The following SIRT1 variants were observed in gnomAD, a reference collection of about 807,000 sequenced individuals.
SIRT1 encodes the protein sirtuin 1.
A neutral mutation model predicts 67.9 loss-of-function variants in SIRT1; 24 were observed. The ratio of observed to expected loss-of-function variants is 0.35; its 90% CI spans 0.26 to 0.50. The LOEUF (loss-of-function observed/expected upper bound fraction) is 0.50. Among genes scored for constraint, SIRT1 ranks in the 20% least tolerant of loss-of-function variants. The pLI is 0.98. For synonymous variants in SIRT1, 378 were observed against 350.7 expected, an observed-to-expected ratio of 1.08 and a Z score of -0.87; for missense variants, 873 against 937.2, an observed-to-expected ratio of 0.93 and a Z score of 0.89.
At chr10:67,908,585 C>T (rs947710900) in intron 6 of SIRT1, among the ~76,000 whole-genome samples, 2 of 152,038 alleles carry the variant, frequency 1.3e-5, no homozygotes, top group Admixed American at 6.6e-5. Context: ...CATGTCATTA[C>T]GAAAGAGGAA....
At chr10:67,885,413 C>G in intron 1 of SIRT1, 1 of 1,226,262 alleles carries the variant, frequency 8.2e-7, no homozygotes, top group South Asian at 4.2e-5. Flanking sequence ...GGGAGACTCT[C>G]GCAGTCGCTT....
chr10:67,895,931 G>A (rs929020496), intron 4 of SIRT1, among the ~76,000 whole-genome samples: 5 of 151,676 alleles, frequency 3.3e-5, no homozygotes, highest in Admixed American at 1.3e-4. Context: ...TAGTAGAGAC[G>A]GGATTTCACC....
intron 4 of SIRT1, among the ~76,000 whole-genome samples, chr10:67,895,492 T>G (rs567972176): frequency 6.6e-6 from 1 of 152,260 alleles, no homozygotes; most frequent in Admixed American, 6.5e-5. Context: ...ATTACAAGAA[T>G]AGAATATTCA....
chr10:67,896,315 CT>C (rs1336636850), intron 4 of SIRT1, among the ~76,000 whole-genome samples: 4 of 152,092 alleles, frequency 2.6e-5, no homozygotes, highest in Non-Finnish European at 5.9e-5. Context: ...TTTTGACTTT[CT>C]TTTTTCTTTG....
At position 67,889,087 on chromosome 10, in the gene SIRT1, A is replaced by G; in HGVS notation, c.753A>G (p.Gln251=). The G allele has an allele frequency of 6.2e-7, 1 of 1,605,842 alleles. No homozygotes were observed. The highest frequency in any genetic ancestry group is 8.5e-7 in the Non-Finnish European group (1 of 1,179,674). The change falls in exon 3 of 9, where the codon CAA becomes CAG. Residue 251 remains glutamine (Q), a synonymous_variant. Coordinates refer to ENST00000212015, the MANE Select transcript of SIRT1 (RefSeq NM_012238.5). ...NTIEDAVKLL[Q]ECKKIIVLTG... ...TTGAAGATGCTGTGAAATTACTGCA[A>G]GAGTGCAAAAAAATTATAGTTCTAA... is the stretch of plus-strand genomic sequence containing the variant.
At chr10:67,888,114 T>G (rs1407984264) in intron 2 of SIRT1, among the ~76,000 whole-genome samples, 1 of 152,200 alleles carries the variant, frequency 6.6e-6, no homozygotes, top group East Asian at 1.9e-4. Context: ...TGGCACATAG[T>G]TTGTGCTCAA....
intron 4 of SIRT1, among the ~76,000 whole-genome samples, chr10:67,903,760 A>T (rs967839322): frequency 6.6e-6 from 1 of 152,170 alleles, no homozygotes; most frequent in African/African-American, 2.4e-5. Context: ...GATTATTTGC[A>T]TGTTTCCAGA....
At chr10:67,914,028 T>G (rs1453809941) in intron 8 of SIRT1, among the ~76,000 whole-genome samples, 1 of 152,086 alleles carries the variant, frequency 6.6e-6, no homozygotes, top group Admixed American at 6.6e-5. Context: ...ACTTTATTAT[T>G]GTTTTGAACA....
chr10:67,908,085 A>G lies in SIRT1; in HGVS notation c.1130A>G (p.Lys377Arg), dbSNP rs2131882321. 1.2e-6 allele frequency: 2 copies of G among 1,613,730 alleles called. No individual in the cohort carries two copies. The highest frequency in any genetic ancestry group is 1.7e-4 in the Middle Eastern group (1 of 6,054). The change falls in exon 6 of 9, where the codon AAA becomes AGA. Residue 377 changes from lysine (K) to arginine (R), a missense_variant. Transcript: ENST00000212015. ...GCATCTTGCCTGATTTGTAAATACA[A>G]AGTTGACTGTGAAGCTGTACGAGGA... Reference protein sequence around the residue: ...ATASCLICKYKVDCEAVRGDI... With the variant: ...ATASCLICKYRVDCEAVRGDI...
chr10:67,908,386 AGTT>A (rs35991660), intron 6 of SIRT1, among the ~76,000 whole-genome samples: 1 of 152,180 alleles, frequency 6.6e-6, no homozygotes, highest in Non-Finnish European at 1.5e-5. Flanking sequence ...ATCATAAGCA[AGTT>A]GTTGTTGTAG....
chr10:67,913,842 G>GA (rs1842936935), intron 8 of SIRT1, among the ~76,000 whole-genome samples: 1 of 152,070 alleles, frequency 6.6e-6, no homozygotes, highest in African/African-American at 2.4e-5. Context: ...AACTGTATTT[G>GA]AGTATTCCAG....
chr10:67,890,854 C>T lies in SIRT1; in HGVS notation c.790-548C>T, dbSNP rs566455209. Among the ~76,000 whole-genome samples the T allele has an allele frequency of 6.6e-5, 10 of 151,854 alleles. No homozygotes were observed. The South Asian group carries it at 2.1e-3, about 32-fold the overall frequency. On this transcript the variant is annotated intron_variant, in intron 3 of 8. Transcript: ENST00000212015. ...GACCATCTTGGCTAACATGGTGACA[C>T]CCCGTCTCTACTAAAAATACAAAAA... is the stretch of plus-strand genomic sequence containing the variant.
Position 67,916,496 on chromosome 10 carries a change from G to C in SIRT1, c.2147G>C (p.Gly716Ala). The C allele has an allele frequency of 6.2e-7, 1 of 1,614,152 alleles. No individual in the cohort carries two copies. ...GTTCCAGAGAGAGCTGGAGGAGCTGGATTTGGGACTGATGGAGATGATCAA... is the reference window on the plus strand; with the variant it reads ...GTTCCAGAGAGAGCTGGAGGAGCTGCATTTGGGACTGATGGAGATGATCAA... ...PDVPERAGGA[G>A]FGTDGDDQEA... is the part of the protein sequence containing the mutation. The change falls in exon 9 of 9, where the codon GGA becomes GCA. Residue 716 changes from glycine to alanine, a missense_variant. This residue lies in a region of SIRT1 where 295 missense variants were observed against 294.5 expected (regional missense o/e 1.00). Transcript: ENST00000212015.
Position 67,886,555 on chromosome 10 carries a change from C to CAA in SIRT1, c.431-843_431-842dup, listed in dbSNP as rs34780303. The stretch of plus-strand genomic sequence containing the variant: ...TGGGCAACAGAGTGAGACCCCGTCT[C>CAA]AAAAAAAAAAAAAAAAAAAAGTAAT... On this transcript the variant is annotated intron_variant, in intron 1 of 8. Transcript: ENST00000212015. 8.2e-5 allele frequency among the ~76,000 whole-genome samples: 8 copies of CAA among 97,896 alleles called. No individual in the cohort carries two copies. The East Asian group carries it at 1.3e-3, about 15-fold the overall frequency. The allele number at this position is 97,896 out of a possible 152,430, so 64.2% of individuals were successfully genotyped here.
rs1031429230 is a variant in SIRT1, at chr10:67,891,648, T to C, written c.942+94T>C. 50 of 1,265,496 alleles carry C rather than the reference T, an allele frequency of 4.0e-5. No individual in the cohort carries two copies. In the African/African-American group the frequency reaches 6.3e-4, roughly 16 times the overall value. The allele number at this position is 1,265,496 out of a possible 1,614,324, so 78.4% of individuals were successfully genotyped here. ...CACCTTAAGGTTATCGTTCATTGTT[T>C]AGTAAAGTGAATGCTGCTACTGTGG... On this transcript the variant is annotated intron_variant, in intron 4 of 8. Coordinates refer to ENST00000212015, the MANE Select transcript of SIRT1 (RefSeq NM_012238.5).
At chr10:67,908,941 AT>A (rs1023732364) in intron 6 of SIRT1, among the ~76,000 whole-genome samples, 30 of 151,096 alleles carry the variant, frequency 2.0e-4, no homozygotes, top group South Asian at 1.1e-3. Flanking sequence ...ACAAATGTCT[AT>A]TTTTTTTTGA....
At position 67,912,969 on chromosome 10, in the gene SIRT1, G is replaced by C; in HGVS notation, c.1853G>C (p.Gly618Ala). ...AAAAATGAAAGAACTTCAGTGGCTG[G>C]AACAGTGAGAAAATGCTGGCCTAAT... is the stretch of plus-strand genomic sequence containing the variant. ...GEKNERTSVA[G>A]TVRKCWPNRV... Residue 618 changes from glycine (G) to alanine (A), a missense_variant, in exon 8 of 9, where the codon GGA becomes GCA. Transcript: ENST00000212015. The C allele has an allele frequency of 6.2e-7, 1 of 1,613,884 alleles. No individual in the cohort carries two copies. The highest frequency in any genetic ancestry group is 8.5e-7 in the Non-Finnish European group (1 of 1,179,948).
intron 4 of SIRT1, among the ~76,000 whole-genome samples, chr10:67,892,492 G>C (rs1044045159): frequency 9.2e-5 from 14 of 152,122 alleles, no homozygotes; most frequent in Non-Finnish European, 1.6e-4. Context: ...AAGATCCCTT[G>C]AGCTCAGGAG....
Position 67,918,075 on chromosome 10 carries a change from G to A in SIRT1, c.*1482G>A, listed in dbSNP as rs2029980455. 6.6e-6 allele frequency: 1 copy of A among 152,452 alleles called. No homozygotes were observed. Among genetic ancestry groups the A allele is most frequent in the South Asian group, 2.1e-4 (1 of 4,838 alleles). The allele number at this position is 152,452 out of a possible 1,614,324, so 9.4% of individuals were successfully genotyped here. A position where few individuals can be genotyped will look rare whatever the true frequency, so the allele number is the denominator to read the frequency against. On this transcript the variant is annotated 3_prime_UTR_variant, in exon 9 of 9. Coordinates refer to ENST00000212015, the MANE Select transcript of SIRT1 (RefSeq NM_012238.5). ...TGAATGGCCATTTCCCTACTTATAA[G>A]ATGTCTCAATCTGAATTTATTTGGC...
Sources: allele counts gnomAD v4.1 joint callset (sites outside exome capture counted in the v4.1 genomes callset), GRCh38; gene constraint gnomAD v4.1.1; regional missense constraint gnomAD v4.1.1; transcripts MANE v1.5; gene names NCBI Gene and HGNC (gene_info 2026-07-23, HGNC 2026-07-21).